The following RHCG variants were observed in gnomAD, a reference collection of about 807,000 sequenced individuals.
RHCG encodes ammonium transporter Rh type C.
Under a neutral mutation model 55.3 loss-of-function variants are expected in RHCG, and 39 were observed. The observed-to-expected ratio is 0.70, with a 90% CI of 0.55 to 0.92. The LOEUF (loss-of-function observed/expected upper bound fraction) is 0.92. Ranked by LOEUF, RHCG falls within the 40% of genes least tolerant of loss-of-function variation. RHCG has a pLI of 0.00. For synonymous variants in RHCG, 250 were observed against 246.8 expected, an observed-to-expected ratio of 1.01 and a Z score of -0.12; for missense variants, 635 against 627.9, an observed-to-expected ratio of 1.01 and a Z score of -0.12.
In RHCG at chr15:89,477,662, G is replaced by C; in HGVS notation, c.976-9C>G. ...CGGGACTCCAGGAATGGCTGGAGAC[G>C]GGAGGTGGGTGCTGCTCAGGCCGGG... On this transcript the variant is annotated splice_polypyrimidine_tract_variant and intron_variant, in intron 6 of 10. Coordinates refer to ENST00000268122, the MANE Select transcript of RHCG (RefSeq NM_016321.3). This position sits in a 1 kb window ranked among gnomAD's most constrained non-coding sequence, Gnocchi z 4.5. The C allele has an allele frequency of 1.2e-6, 2 of 1,613,872 alleles. No individual in the cohort carries two copies. Among genetic ancestry groups the C allele is most frequent in the East Asian group, 2.2e-5 (1 of 44,864 alleles).
chr15:89,481,427 G>A (rs1961264995), intron 3 of RHCG, among the ~76,000 whole-genome samples: 1 of 151,680 alleles, frequency 6.6e-6, no homozygotes, highest in Admixed American at 6.6e-5. Context: ...TCCAGCCTGG[G>A]CAACAGAGTG....
chr15:89,478,575 T>C (rs1961201490), intron 5 of RHCG, among the ~76,000 whole-genome samples: 1 of 152,192 alleles, frequency 6.6e-6, no homozygotes, highest in Non-Finnish European at 1.5e-5. Context: ...AAAGGTGTCT[T>C]GATCCAGGTT....
chr15:89,492,201 G>A (rs1053287202), intron 1 of RHCG, among the ~76,000 whole-genome samples: 1 of 152,030 alleles, frequency 6.6e-6, no homozygotes, highest in African/African-American at 2.4e-5. Flanking sequence ...CCTCCAGGGG[G>A]CACCAGTACC....
At chr15:89,496,322 G>A in intron 1 of RHCG, 39 bp downstream of exon 1, 2 of 1,608,896 alleles carry the variant, frequency 1.2e-6, no homozygotes, top group Non-Finnish European at 1.7e-6. Flanking sequence ...GGACCGGCGC[G>A]GATATGCCTC....
chr15:89,494,636 CTT>C (rs199886940), intron 1 of RHCG, among the ~76,000 whole-genome samples: 12 of 142,066 alleles, frequency 8.4e-5, no homozygotes, highest in Non-Finnish European at 9.3e-5. Flanking sequence ...TCATTTCTTT[CTT>C]TTTTTTTTTT....
Position 89,477,646 on chromosome 15 carries a change from A to C in RHCG, c.983T>G (p.Leu328Arg), listed in dbSNP as rs1192489781. 1 of 1,614,042 alleles carries C rather than the reference A, an allele frequency of 6.2e-7. No homozygotes were observed. Among genetic ancestry groups the C allele is most frequent in the Admixed American group, 1.7e-5 (1 of 60,028 alleles). The change falls in exon 7 of 11, where the codon CTG becomes CGG. Residue 328 changes from leucine to arginine, a missense_variant. Transcript: ENST00000268122. The surrounding 1 kb of genome is among the most constrained non-coding windows in gnomAD (Gnocchi z 4.5). ...GTCCTGGATGTGCAGCCGGGACTCC[A>C]GGAATGGCTGGAGACGGGAGGTGGG... The part of the protein sequence containing the change: ...TLGFVYLTPF[L>R]ESRLHIQDTC...
Position 89,480,343 on chromosome 15 carries a change from G to C in RHCG, c.588C>G (p.Thr196=), listed in dbSNP as rs749663019. Residue 196 remains threonine, a synonymous_variant, in exon 4 of 11, where the codon ACC becomes ACG. Coordinates refer to ENST00000268122, the MANE Select transcript of RHCG (RefSeq NM_016321.3). ...TFGAYFGLTV[T]RILYRRNLEQ... is the part of the protein sequence containing the mutation. ...CTAGGTTGCGTCGGTAGAGGATCCG[G>C]GTCACTGTGAGCCCAAAGTAGGCGC... 1 of 1,614,160 alleles carries C rather than the reference G, an allele frequency of 6.2e-7. No homozygotes were observed. Among genetic ancestry groups the C allele is most frequent in the Admixed American group, 1.7e-5 (1 of 60,020 alleles).
At chr15:89,489,076 G>A (rs1961427001) in intron 1 of RHCG, among the ~76,000 whole-genome samples, 1 of 152,130 alleles carries the variant, frequency 6.6e-6, no homozygotes, top group African/African-American at 2.4e-5. Context: ...GAGAAAGAGT[G>A]AGCAAATAGC....
chr15:89,478,040 C>T, intron 5 of RHCG, 66 bp from the exon 6 acceptor site: 2 of 1,539,596 alleles, frequency 1.3e-6, no homozygotes, highest in Non-Finnish European at 1.8e-6. Context: ...CCTGGAGGAG[C>T]TCACTTGCTG....
At chr15:89,472,365 T>C (rs1800036850) in intron 10 of RHCG, among the ~76,000 whole-genome samples, 1 of 152,162 alleles carries the variant, frequency 6.6e-6, no homozygotes, top group African/African-American at 2.4e-5. Flanking sequence ...GCTTCATTTT[T>C]ATAGATGAGG....
At chr15:89,480,093 C>T (rs1285395206) in intron 4 of RHCG, among the ~76,000 whole-genome samples, 168 bp downstream of exon 4, 1 of 152,130 alleles carries the variant, frequency 6.6e-6, no homozygotes, top group Non-Finnish European at 1.5e-5. Context: ...CTCTGTTTGC[C>T]CTTCCCCCAA....
intron 9 of RHCG, among the ~76,000 whole-genome samples, chr15:89,476,491 C>T (rs1961151802): frequency 6.6e-6 from 1 of 152,176 alleles, no homozygotes; most frequent in South Asian, 2.1e-4. Context: ...CCAGCTGTAG[C>T]CCTGACTATA....
In RHCG at chr15:89,477,828, G is replaced by T; in HGVS notation, c.975+9C>A. 1 of 1,614,018 alleles carries T rather than the reference G, an allele frequency of 6.2e-7. No individual in the cohort carries two copies. The highest frequency in any genetic ancestry group is 1.3e-5 in the African/African-American group (1 of 75,028). On this transcript the variant is annotated intron_variant, in intron 6 of 10. Transcript: ENST00000268122. The surrounding 1 kb of genome is among the most constrained non-coding windows in gnomAD (Gnocchi z 4.5). The stretch of plus-strand genomic sequence containing the variant: ...CTCTAGCCCCCAGCCCCTTGCCTGG[G>T]GCACTTACGGTCAGGTATACAAAAC...
rs747567913 is a variant in RHCG at position 89,476,838 on chromosome 15, G to T, written c.1238-10C>A. The T allele has an allele frequency of 1.9e-6, 3 of 1,612,404 alleles. No homozygotes were observed. The highest frequency in any genetic ancestry group is 1.7e-6 in the Non-Finnish European group (2 of 1,178,424). On this transcript the variant is annotated splice_polypyrimidine_tract_variant and intron_variant, in intron 8 of 10. Transcript: ENST00000268122. ...AATCTCAAAATGAGCCCTACAGAAA[G>T]TTGGAGATTACAGGATGTCAGGAAG...
chr15:89,475,010 C>T (rs1961115749), intron 9 of RHCG, among the ~76,000 whole-genome samples: 1 of 138,540 alleles, frequency 7.2e-6, no homozygotes, highest in African/African-American at 3.0e-5. Flanking sequence ...TCCTTCCTGC[C>T]CGCCTTCCTT....
rs550900105 is a variant in RHCG, at chr15:89,480,890, C to A, written c.523-482G>T. Among the ~76,000 whole-genome samples, 44 of 152,314 alleles carry A rather than the reference C, an allele frequency of 2.9e-4. 1 individual carries two copies. The South Asian group carries it at 8.7e-3, about 30-fold the overall frequency. ...AACAGGTGCCAGATTGATGTTTGTC[C>A]CCCTCACACTCACCTCTCCTTCTCT... On this transcript the variant is annotated intron_variant, in intron 3 of 10. Coordinates refer to ENST00000268122, the MANE Select transcript of RHCG (RefSeq NM_016321.3).
intron 2 of RHCG, among the ~76,000 whole-genome samples, chr15:89,485,264 G>A (rs1961339485): frequency 6.6e-6 from 1 of 152,116 alleles, no homozygotes; most frequent in Admixed American, 6.6e-5. Flanking sequence ...TATATTACAG[G>A]TGTTTTTATA....
intron 1 of RHCG, 110 bp downstream of exon 1, chr15:89,496,251 C>T (rs1961563528): frequency 1.8e-6 from 2 of 1,109,796 alleles, no homozygotes; most frequent in Non-Finnish European, 2.6e-6. Context: ...ATGCGGAGTC[C>T]GCGGCTGCAG....
chr15:89,484,547 C>G (rs1043911882), intron 2 of RHCG, among the ~76,000 whole-genome samples: 1 of 151,872 alleles, frequency 6.6e-6, no homozygotes, highest in Non-Finnish European at 1.5e-5. Context: ...TTTGGGAGGC[C>G]GAGGCAGGTG....
Sources: gnomAD v4.1 joint callset for allele counts (sites outside exome capture counted in the v4.1 genomes callset) on GRCh38, gnomAD v4.1.1 for gene constraint, Gnocchi (gnomAD v3.1) non-coding constraint, MANE v1.5 for transcripts, NCBI Gene and HGNC (gene_info 2026-07-23, HGNC 2026-07-21) for gene names.